Variants in CCL28 observed in about 807,000 individuals in gnomAD.
CCL28 encodes the protein C-C motif chemokine ligand 28.
In CCL28, 4 loss-of-function variants were observed where a neutral mutation model predicts 7.1. The observed-to-expected ratio is 0.56, with a 90% CI of 0.28 to 1.29. CCL28 has a LOEUF of 1.29. Among genes scored for constraint, CCL28 ranks in the 50% most tolerant of loss-of-function variants. The pLI is 0.11. For synonymous variants in CCL28, 55 were observed against 57.8 expected, an observed-to-expected ratio of 0.95 and a Z score of 0.22; for missense variants, 151 against 163.4, an observed-to-expected ratio of 0.92 and a Z score of 0.41.
chr5:43,395,554 C>T (rs1444563579), intron 1 of CCL28, among the ~76,000 whole-genome samples: 1 of 151,996 alleles, frequency 6.6e-6, no homozygotes, highest in East Asian at 1.9e-4. Flanking sequence ...GGCCCACCTA[C>T]TTGGGAGGCT....
chr5:43,383,663 C>T (rs773132696), intron 2 of CCL28, among the ~76,000 whole-genome samples: 16 of 152,006 alleles, frequency 1.1e-4, no homozygotes, highest in African/African-American at 3.9e-4. Context: ...AGCACTGTTG[C>T]GTAGGAAACA....
chr5:43,409,113 A>G (rs1352927888), intron 1 of CCL28, among the ~76,000 whole-genome samples: 1 of 152,118 alleles, frequency 6.6e-6, no homozygotes, highest in African/African-American at 2.4e-5. Flanking sequence ...CTCTATCTCT[A>G]CAAGAAAAAT....
intron 1 of CCL28, among the ~76,000 whole-genome samples, chr5:43,410,527 A>G (rs544471718): frequency 6.6e-6 from 1 of 152,078 alleles, no homozygotes; most frequent in South Asian, 2.1e-4. Flanking sequence ...ACCTTTTCAC[A>G]CACCTCTGCA....
the CCL28 span, among the ~76,000 whole-genome samples, chr5:43,368,071 G>GC: frequency 1.3e-5 from 2 of 152,226 alleles, no homozygotes; most frequent in East Asian, 3.9e-4. Flanking sequence ...TGGATTCCAG[G>GC]CTCCACCACT....
chr5:43,408,154 A>G (rs1741375976), intron 1 of CCL28, among the ~76,000 whole-genome samples: 1 of 152,252 alleles, frequency 6.6e-6, no homozygotes, highest in Non-Finnish European at 1.5e-5. Flanking sequence ...TACCCAAAGG[A>G]TTATAAATCA....
intron 1 of CCL28, among the ~76,000 whole-genome samples, chr5:43,406,323 G>C (rs1367002120): frequency 1.3e-5 from 2 of 151,902 alleles, no homozygotes. Flanking sequence ...TTCATCCCTG[G>C]GATGCAAGGC....
intron 1 of CCL28, among the ~76,000 whole-genome samples, chr5:43,408,867 AATTTTAT>A (rs952421569): frequency 6.7e-6 from 1 of 150,146 alleles, no homozygotes; most frequent in Non-Finnish European, 1.5e-5. Flanking sequence ...CATTTTTGGT[AATTTTAT>A]TTTTTTGGTA....
intron 1 of CCL28, among the ~76,000 whole-genome samples, chr5:43,391,852 T>G (rs918041821): frequency 1.3e-5 from 2 of 152,172 alleles, no homozygotes; most frequent in African/African-American, 4.8e-5. Context: ...GCAGAAAAAC[T>G]ACATAACTTC....
chr5:43,399,898 C>G (rs575103392), intron 1 of CCL28, among the ~76,000 whole-genome samples: 2 of 149,406 alleles, frequency 1.3e-5, no homozygotes, highest in Non-Finnish European at 3.0e-5. Flanking sequence ...CAGGCTGGAG[C>G]GCAATGGTGT....
At chr5:43,364,770 T>C in the CCL28 span, among the ~76,000 whole-genome samples, 2 of 152,172 alleles carry the variant, frequency 1.3e-5, no homozygotes, top group Admixed American at 1.3e-4. Flanking sequence ...TTTAGGATAG[T>C]TAGCTCTTCT....
intron 1 of CCL28, among the ~76,000 whole-genome samples, chr5:43,391,423 T>A (rs1655883545): frequency 2.0e-5 from 3 of 152,342 alleles, no homozygotes; most frequent in East Asian, 3.9e-4. Flanking sequence ...CCTCTTTCTA[T>A]GGAAACTTTA....
the CCL28 span, among the ~76,000 whole-genome samples, chr5:43,371,312 T>C: frequency 6.6e-6 from 1 of 152,176 alleles, no homozygotes; most frequent in Non-Finnish European, 1.5e-5. Context: ...TAGAAACGTG[T>C]GGAATGGATG....
the CCL28 span, among the ~76,000 whole-genome samples, chr5:43,363,888 C>T: frequency 8.8e-4 from 134 of 152,262 alleles, no homozygotes; most frequent in Non-Finnish European, 1.5e-3. Context: ...TGGGTTTACA[C>T]AACGAAATAG....
At chr5:43,397,841 T>C (rs1028338115) in intron 1 of CCL28, among the ~76,000 whole-genome samples, 5 of 152,194 alleles carry the variant, frequency 3.3e-5, no homozygotes, top group African/African-American at 1.2e-4. Context: ...AATCTTTTGG[T>C]TTGTATTCAT....
At chr5:43,405,330 G>C (rs1381556133) in intron 1 of CCL28, among the ~76,000 whole-genome samples, 1 of 152,150 alleles carries the variant, frequency 6.6e-6, no homozygotes, top group Non-Finnish European at 1.5e-5. Flanking sequence ...CTAGAACTCA[G>C]GATTAAGAAA....
At chr5:43,375,224 C>T (rs953313985), downstream of CCL28, among the ~76,000 whole-genome samples, 2 of 151,600 alleles carry the variant, frequency 1.3e-5, no homozygotes, top group East Asian at 1.9e-4. Context: ...CTCCTGACCT[C>T]GTGATCCACC....
chr5:43,357,054 G>A, the CCL28 span, among the ~76,000 whole-genome samples: 1 of 152,148 alleles, frequency 6.6e-6, no homozygotes, highest in Non-Finnish European at 1.5e-5. Context: ...CAACTGAATG[G>A]CTCTGTTCAA....
chr5:43,397,268 C>G (rs567866812), intron 1 of CCL28: 1 of 152,218 alleles, frequency 6.6e-6, no homozygotes, highest in East Asian at 1.9e-4. Flanking sequence ...CCGCGGGCTG[C>G]CCTTCACAGA....
intron 2 of CCL28, among the ~76,000 whole-genome samples, chr5:43,383,429 A>G (rs1033846818): frequency 1.6e-4 from 24 of 152,194 alleles, no homozygotes. Context: ...TGTAGGGACT[A>G]CTGAAATGGG....
Sources: allele counts gnomAD v4.1 joint callset (sites outside exome capture counted in the v4.1 genomes callset), GRCh38; gene constraint gnomAD v4.1.1; transcripts MANE v1.5; gene names NCBI Gene and HGNC (gene_info 2026-07-23, HGNC 2026-07-21).